EPYC: variants seen among roughly 807,000 people sequenced by gnomAD.
EPYC encodes the protein epiphycan.
Under a neutral mutation model 30.1 loss-of-function variants are expected in EPYC, and 28 were observed. The observed-to-expected ratio is 0.93, with a 90% CI of 0.69 to 1.28. The LOEUF (loss-of-function observed/expected upper bound fraction) is 1.28, where lower values mean the gene tolerates loss of function less well. Among genes scored for constraint, EPYC ranks in the 50% most tolerant of loss-of-function variants. EPYC has a pLI of 0.00. For synonymous variants in EPYC, 144 were observed against 141.4 expected (o/e 1.02, Z -0.13); for missense variants, 382 against 383.5 (o/e 1.00, Z 0.03).
At chr12:90,980,754 T>A (rs1216319716) in intron 2 of EPYC, among the ~76,000 whole-genome samples, 1 of 152,196 alleles carries the variant, frequency 6.6e-6, no homozygotes, top group East Asian at 1.9e-4. Context: ...TAATTGAGCC[T>A]CTTCTACAAA....
intron 3 of EPYC, 45 bp from the exon 4 acceptor site, chr12:90,973,025 A>G: frequency 6.0e-6 from 8 of 1,334,528 alleles, no homozygotes; most frequent in African/African-American, 1.5e-5. Flanking sequence ...TACCAAATCA[A>G]TTTCTAAGAA....
chr12:90,985,519 C>T (rs187400966), intron 2 of EPYC, among the ~76,000 whole-genome samples: 10 of 152,168 alleles, frequency 6.6e-5, no homozygotes, highest in South Asian at 4.1e-4. Context: ...AAAGGAAAAG[C>T]GATATCAGAG....
At chr12:90,987,621 T>C (rs1206367157) in intron 2 of EPYC, among the ~76,000 whole-genome samples, 1 of 152,220 alleles carries the variant, frequency 6.6e-6, no homozygotes, top group Non-Finnish European at 1.5e-5. Flanking sequence ...CTAAAGAAGA[T>C]GTGCTTCAAC....
At chr12:90,964,658 A>G (rs1017036073) in intron 6 of EPYC, among the ~76,000 whole-genome samples, 1 of 152,140 alleles carries the variant, frequency 6.6e-6, no homozygotes, top group African/African-American at 2.4e-5. Flanking sequence ...TAACAATTGA[A>G]CTGAGAATGG....
intron 3 of EPYC, 83 bp from the exon 4 acceptor site, chr12:90,973,063 T>G: frequency 2.2e-6 from 2 of 894,076 alleles, no homozygotes; most frequent in Non-Finnish European, 3.3e-6. Flanking sequence ...ATACACAAGA[T>G]TAGAGTCTCC....
chr12:90,972,026 TAATTA>T, intron 4 of EPYC, 24 bp from the exon 5 acceptor site: 1 of 1,319,400 alleles, frequency 7.6e-7, no homozygotes, highest in Non-Finnish European at 1.0e-6. Flanking sequence ...ATAAAGGAAG[TAATTA>T]AATATTCTTG....
At chr12:91,001,127 G>A (rs528070979) in intron 2 of EPYC, among the ~76,000 whole-genome samples, 68 of 152,106 alleles carry the variant, frequency 4.5e-4, no homozygotes, top group Non-Finnish European at 2.2e-4. Context: ...GGTCAAAAGA[G>A]GGTGAGGGTG....
chr12:90,970,107 A>G lies in EPYC; in HGVS notation c.735T>C (p.Thr245=). The G allele has an allele frequency of 6.2e-7, 1 of 1,613,944 alleles. No homozygotes were observed. The highest frequency in any genetic ancestry group is 1.1e-5 in the South Asian group (1 of 91,088). Residue 245 remains threonine (T), a synonymous_variant, in exon 6 of 7, where the codon ACT becomes ACC. Transcript: ENST00000261172. ...DMYDLHHLYL[T]DNNLDHIPLP... The stretch of plus-strand genomic sequence containing the variant: ...GAGGGATGTGGTCCAAGTTGTTATC[A>G]GTGAGGTACAGATGATGGAGATCAT...
intron 2 of EPYC, among the ~76,000 whole-genome samples, chr12:90,993,538 A>G (rs148384794): frequency 4.6e-5 from 7 of 152,228 alleles, no homozygotes; most frequent in Admixed American, 3.3e-4. Context: ...GAAAACCTTT[A>G]CTATTTTCAT....
chr12:90,985,027 C>T (rs1042888730), intron 2 of EPYC, among the ~76,000 whole-genome samples: 12 of 152,030 alleles, frequency 7.9e-5, no homozygotes, highest in African/African-American at 2.9e-4. Context: ...TAGATCAAAC[C>T]CTGGCTTTTA....
At chr12:90,987,415 C>A (rs1877479537) in intron 2 of EPYC, among the ~76,000 whole-genome samples, 1 of 150,356 alleles carries the variant, frequency 6.7e-6, no homozygotes, top group Non-Finnish European at 1.5e-5. Context: ...TACTCCTGAC[C>A]AAAATTGGCC....
intron 2 of EPYC, among the ~76,000 whole-genome samples, chr12:90,993,171 G>T (rs1245766593): frequency 6.6e-6 from 1 of 152,120 alleles, no homozygotes; most frequent in African/African-American, 2.4e-5. Context: ...GGCCCCAGAT[G>T]GTTCCCCTTC....
intron 2 of EPYC, among the ~76,000 whole-genome samples, chr12:90,979,202 G>C (rs547366708): frequency 2.4e-4 from 36 of 152,114 alleles, no homozygotes; most frequent in African/African-American, 7.9e-4. Flanking sequence ...TGACGGTCTC[G>C]TAAGCTTGGG....
intron 3 of EPYC, 42 bp downstream of exon 3, chr12:90,978,046 A>T: frequency 6.7e-7 from 1 of 1,495,632 alleles, no homozygotes; most frequent in Non-Finnish European, 8.9e-7. Context: ...TTTGAGGATG[A>T]CAAAGTGGAC....
chr12:90,995,103 C>T (rs887143790), intron 2 of EPYC, among the ~76,000 whole-genome samples: 6 of 152,046 alleles, frequency 3.9e-5, no homozygotes, highest in Admixed American at 6.6e-5. Flanking sequence ...CTGGTGCTCA[C>T]ATTTGTTTCC....
intron 2 of EPYC, among the ~76,000 whole-genome samples, chr12:90,989,728 C>G (rs1337564835): frequency 6.6e-6 from 1 of 152,098 alleles, no homozygotes; most frequent in South Asian, 2.1e-4. Context: ...TCTCTTCTTA[C>G]TTCCTTTCTT....
At chr12:90,984,468 GC>G (rs1877401419) in intron 2 of EPYC, among the ~76,000 whole-genome samples, 1 of 152,038 alleles carries the variant, frequency 6.6e-6, no homozygotes, top group Non-Finnish European at 1.5e-5. Flanking sequence ...AAAAGATGTG[GC>G]TCATTTTTTT....
intron 2 of EPYC, among the ~76,000 whole-genome samples, chr12:90,996,582 A>G (rs1877697685): frequency 6.6e-6 from 1 of 151,942 alleles, no homozygotes; most frequent in African/African-American, 2.4e-5. Context: ...TGTTAAATAT[A>G]ATTTTCATTC....
At chr12:90,992,308 G>A (rs1032386663) in intron 2 of EPYC, among the ~76,000 whole-genome samples, 1 of 152,152 alleles carries the variant, frequency 6.6e-6, no homozygotes, top group African/African-American at 2.4e-5. Flanking sequence ...TTCCTGACAG[G>A]CCTCACAGCT....
Sources: allele counts gnomAD v4.1 joint callset (sites outside exome capture counted in the v4.1 genomes callset), GRCh38; gene constraint gnomAD v4.1.1; transcripts MANE v1.5; gene names NCBI Gene and HGNC (gene_info 2026-07-23, HGNC 2026-07-21).